Variants in KAZN observed in about 807,000 individuals in gnomAD.
KAZN encodes the protein kazrin, periplakin interacting protein.
In KAZN, 40 loss-of-function variants were observed where a neutral mutation model predicts 87.4. The observed-to-expected ratio is 0.46, with a 90% CI of 0.36 to 0.60. The LOEUF is 0.60. Ranked by LOEUF, KAZN falls within the 20% of genes least tolerant of loss-of-function variation. The pLI, the probability that KAZN is intolerant of heterozygous loss-of-function variation, is 0.00. For synonymous variants in KAZN, 466 were observed against 458.3 expected (o/e 1.02, Z -0.22); for missense variants, 898 against 1,073.9 (o/e 0.84, Z 2.29).
At chr1:14,264,734 A>T (rs948793957) in intron 2 of KAZN, among the ~76,000 whole-genome samples, 1 of 152,222 alleles carries the variant, frequency 6.6e-6, no homozygotes, top group Non-Finnish European at 1.5e-5. Context: ...ACAATAACAC[A>T]AAACAGACTA....
chr1:14,042,546 C>A (rs1641883585), intron 1 of KAZN, among the ~76,000 whole-genome samples: 1 of 152,228 alleles, frequency 6.6e-6, no homozygotes, highest in African/African-American at 2.4e-5. Context: ...TAACTTTCTT[C>A]TGCTCACTCA....
chr1:14,089,189 A>C lies in KAZN; in HGVS notation c.92-91246A>C, dbSNP rs138186194. 6.5e-3 allele frequency among the ~76,000 whole-genome samples: 993 copies of C among 152,008 alleles called. 10 individuals carry two copies. The South Asian group carries it at 0.066, about 10-fold the overall frequency. On this transcript the variant is annotated intron_variant, in intron 1 of 16. Coordinates refer to the KAZN transcript ENST00000636203. ...AAAATTTTTCTATTTAATATTTAGAATGTTTTTTAAAATAGTTAGAATGTA... is the reference window on the plus strand; with the variant it reads ...AAAATTTTTCTATTTAATATTTAGACTGTTTTTTAAAATAGTTAGAATGTA...
intron 8 of KAZN, among the ~76,000 whole-genome samples, chr1:15,073,287 C>T (rs1639594743): frequency 1.3e-5 from 2 of 152,192 alleles, no homozygotes; most frequent in African/African-American, 4.8e-5. Flanking sequence ...CTGTAGCTAC[C>T]GAACCAAAGG....
intron 1 of KAZN, among the ~76,000 whole-genome samples, chr1:14,857,851 C>G (rs1266352132): frequency 6.6e-6 from 1 of 152,024 alleles, no homozygotes; most frequent in Non-Finnish European, 1.5e-5. Context: ...ATATACCATA[C>G]AATTCACCCA....
intron 2 of KAZN, among the ~76,000 whole-genome samples, chr1:14,441,274 T>C (rs1322819089): frequency 1.3e-5 from 2 of 151,946 alleles, no homozygotes. Flanking sequence ...TATATATATA[T>C]ATATATATTT....
intron 1 of KAZN, among the ~76,000 whole-genome samples, chr1:14,893,642 T>A (rs1226431228): frequency 6.6e-6 from 1 of 152,178 alleles, no homozygotes; most frequent in Non-Finnish European, 1.5e-5. Flanking sequence ...AATCTCCTTC[T>A]GACCATATTG....
chr1:14,604,069 A>T (rs1572028536), intron 1 of KAZN, among the ~76,000 whole-genome samples: 2 of 151,950 alleles, frequency 1.3e-5, no homozygotes, highest in Admixed American at 1.3e-4. Context: ...CTGGCTTCTT[A>T]CCCCCTGCCA....
At chr1:14,252,372 A>G (rs1650122857) in intron 2 of KAZN, among the ~76,000 whole-genome samples, 1 of 152,160 alleles carries the variant, frequency 6.6e-6, no homozygotes, top group Non-Finnish European at 1.5e-5. Context: ...AGGGACTGGC[A>G]TTTGTGTGGT....
At chr1:14,436,958 T>C (rs1207844686) in intron 2 of KAZN, among the ~76,000 whole-genome samples, 3 of 152,198 alleles carry the variant, frequency 2.0e-5, no homozygotes, top group East Asian at 3.9e-4. Flanking sequence ...CATTTTATTA[T>C]CACTTTTTAA....
intron 1 of KAZN, among the ~76,000 whole-genome samples, chr1:13,905,802 T>G (rs1639415149): frequency 6.6e-6 from 1 of 152,240 alleles, no homozygotes; most frequent in Non-Finnish European, 1.5e-5. Flanking sequence ...GTGGATGTAT[T>G]AATTTCCTAT....
rs1337444311 is a variant in KAZN, at chr1:14,867,987, T to C, written c.227-92697T>C. On this transcript the variant is annotated intron_variant, in intron 1 of 14. Coordinates refer to ENST00000376030, the MANE Select transcript of KAZN (RefSeq NM_201628.3). ...TAGGCAGGCATCGCATATGCAGGCA[T>C]TGGATACACAGGCATCACAAACGTG... Among the ~76,000 whole-genome samples, 6 of 66,450 alleles carry C rather than the reference T, an allele frequency of 9.0e-5. No individual in the cohort carries two copies. The East Asian group carries it at 2.7e-3, about 30-fold the overall frequency. 43.6% of individuals were successfully genotyped at this position (66,450 alleles called of 152,430 possible).
intron 1 of KAZN, among the ~76,000 whole-genome samples, chr1:14,001,534 C>G (rs892857060): frequency 1.3e-5 from 2 of 152,102 alleles, no homozygotes; most frequent in Admixed American, 1.3e-4. Flanking sequence ...AAAGAAGACC[C>G]CATATAGCCA....
intron 1 of KAZN, among the ~76,000 whole-genome samples, chr1:14,634,820 C>T (rs888192599): frequency 3.9e-5 from 6 of 152,148 alleles, no homozygotes; most frequent in African/African-American, 1.2e-4. Context: ...ACACCTCTTC[C>T]TCAGCAGGAA....
intron 1 of KAZN, among the ~76,000 whole-genome samples, chr1:14,079,615 T>G (rs1482413971): frequency 6.6e-6 from 1 of 152,208 alleles, no homozygotes; most frequent in Non-Finnish European, 1.5e-5. Context: ...AGAAACGGAA[T>G]GATGTCTTTT....
intron 2 of KAZN, among the ~76,000 whole-genome samples, chr1:15,010,731 C>T (rs1313138756): frequency 6.6e-6 from 1 of 152,134 alleles, no homozygotes; most frequent in Non-Finnish European, 1.5e-5. Context: ...ACCTGTGACA[C>T]CTGAATCCAG....
chr1:14,649,784 A>G (rs1415317818), intron 1 of KAZN, among the ~76,000 whole-genome samples: 1 of 152,218 alleles, frequency 6.6e-6, no homozygotes, highest in Non-Finnish European at 1.5e-5. Context: ...TCACTCCAAC[A>G]TCATCTTATT....
At chr1:14,799,199 A>G (rs1377229660) in intron 1 of KAZN, among the ~76,000 whole-genome samples, 1 of 152,218 alleles carries the variant, frequency 6.6e-6, no homozygotes, top group Non-Finnish European at 1.5e-5. Context: ...ACCCTGTTTA[A>G]GGCCCCCTCT....
At chr1:14,223,619 T>A (rs2100510147) in intron 2 of KAZN, among the ~76,000 whole-genome samples, 1 of 152,356 alleles carries the variant, frequency 6.6e-6, no homozygotes, top group East Asian at 1.9e-4. Flanking sequence ...CTCTCCCAAA[T>A]TTCTATTGTT....
intron 2 of KAZN, among the ~76,000 whole-genome samples, chr1:14,504,054 A>G (rs963185431): frequency 2.6e-4 from 40 of 152,176 alleles, no homozygotes; most frequent in African/African-American, 8.0e-4. Flanking sequence ...ACCTCCTTAA[A>G]TGTCGTGCCC....
Sources: allele counts gnomAD v4.1 joint callset (sites outside exome capture counted in the v4.1 genomes callset), GRCh38; gene constraint gnomAD v4.1.1; transcripts MANE v1.5; gene names NCBI Gene and HGNC (gene_info 2026-07-23, HGNC 2026-07-21).